Variants in RSRC1 observed in about 807,000 individuals in gnomAD.
The protein encoded by RSRC1 is arginine and serine rich coiled-coil 1.
In RSRC1, 39 loss-of-function variants were observed where a neutral mutation model predicts 49.1. The ratio of observed to expected loss-of-function variants is 0.79; its 90% CI spans 0.61 to 1.04. The LOEUF (loss-of-function observed/expected upper bound fraction) is 1.04, where lower values mean the gene tolerates loss of function less well. Among genes scored for constraint, RSRC1 ranks in the 50% least tolerant of loss-of-function variants. RSRC1 has a pLI of 0.00. For synonymous variants in RSRC1, 143 were observed against 130.8 expected (o/e 1.09, Z -0.63); for missense variants, 388 against 402.4 (o/e 0.96, Z 0.31).
chr3:158,149,432 C>T (rs1036277162), intron 3 of RSRC1, among the ~76,000 whole-genome samples: 6 of 152,078 alleles, frequency 3.9e-5, no homozygotes, highest in Non-Finnish European at 7.3e-5. Context: ...GGTTTGGTCA[C>T]GCGTGACTAG....
At chr3:158,241,151 A>G (rs1283676373) in intron 4 of RSRC1, among the ~76,000 whole-genome samples, 1 of 152,164 alleles carries the variant, frequency 6.6e-6, no homozygotes, top group Non-Finnish European at 1.5e-5. Context: ...TTCTGCCATT[A>G]AAAATGCCAG....
intron 7 of RSRC1, among the ~76,000 whole-genome samples, chr3:158,503,841 C>A (rs1169492048): frequency 6.6e-6 from 1 of 152,142 alleles, no homozygotes. Flanking sequence ...TCTTCCCCCA[C>A]CTGTGGAGTC....
intron 5 of RSRC1, among the ~76,000 whole-genome samples, chr3:158,321,974 T>TACACACACACACACACACAC (rs71144456): frequency 8.1e-5 from 12 of 148,398 alleles, no homozygotes; most frequent in African/African-American, 2.7e-4. Context: ...TTTTAACACC[T>TACACACACACACACACACAC]ACACACACAC....
intron 5 of RSRC1, among the ~76,000 whole-genome samples, chr3:158,326,157 C>T (rs1729122278): frequency 6.6e-6 from 1 of 152,138 alleles, no homozygotes; most frequent in Admixed American, 6.6e-5. Flanking sequence ...TCTAGATATA[C>T]AATCATGTCA....
At chr3:158,343,018 C>G (rs1730342753) in intron 5 of RSRC1, among the ~76,000 whole-genome samples, 2 of 152,144 alleles carry the variant, frequency 1.3e-5, no homozygotes, top group South Asian at 4.1e-4. Context: ...AACAAGTTAC[C>G]TGAGAGGAGT....
chr3:158,353,958 T>TGTG (rs1336127676), intron 5 of RSRC1, among the ~76,000 whole-genome samples: 1 of 151,148 alleles, frequency 6.6e-6, no homozygotes, highest in Non-Finnish European at 1.5e-5. Context: ...AATCTCAGAG[T>TGTG]GTGGTCACTG....
intron 6 of RSRC1, among the ~76,000 whole-genome samples, chr3:158,423,300 G>A (rs529615980): frequency 1.3e-5 from 2 of 152,082 alleles, no homozygotes; most frequent in African/African-American, 2.4e-5. Context: ...CATATGGCTA[G>A]CCAGTTTTCC....
At chr3:158,453,671 C>T (rs570627317) in intron 6 of RSRC1, among the ~76,000 whole-genome samples, 1 of 152,130 alleles carries the variant, frequency 6.6e-6, no homozygotes, top group East Asian at 1.9e-4. Flanking sequence ...ACCTCACCAG[C>T]GTTTTGAATA....
At chr3:158,273,111 G>C (rs1377183549) in intron 4 of RSRC1, among the ~76,000 whole-genome samples, 1 of 151,920 alleles carries the variant, frequency 6.6e-6, no homozygotes, top group African/African-American at 2.4e-5. Flanking sequence ...CTGTCATTAT[G>C]CTTCTATTTA....
intron 3 of RSRC1, among the ~76,000 whole-genome samples, chr3:158,156,900 T>C (rs1717910095): frequency 6.6e-6 from 1 of 152,198 alleles, no homozygotes. Flanking sequence ...AACCAAAATG[T>C]AACACAGAGA....
chr3:158,262,437 G>A (rs985390453), intron 4 of RSRC1, among the ~76,000 whole-genome samples: 4 of 152,144 alleles, frequency 2.6e-5, no homozygotes, highest in African/African-American at 9.6e-5. Flanking sequence ...GTTCACAAAT[G>A]TGTGGGTTCA....
chr3:158,140,227 A>G, intron 3 of RSRC1, among the ~76,000 whole-genome samples: 1 of 152,140 alleles, frequency 6.6e-6, no homozygotes, highest in Non-Finnish European at 1.5e-5. Flanking sequence ...TGAGTCAGTT[A>G]CCTTTCAGCA....
intron 4 of RSRC1, among the ~76,000 whole-genome samples, chr3:158,256,374 G>A (rs140264755): frequency 5.3e-5 from 8 of 152,232 alleles, no homozygotes; most frequent in East Asian, 1.9e-4. Context: ...TATGATTTGC[G>A]TATGTTGAAC....
intron 3 of RSRC1, among the ~76,000 whole-genome samples, chr3:158,196,351 G>A (rs1204958): frequency 0.58 from 87,993 of 151,946 alleles, 25,786 homozygotes; most frequent in East Asian, 0.73. Flanking sequence ...CACTGATTTT[G>A]TATCCTGAGA....
At chr3:158,499,752 A>G (rs1324265747) in intron 7 of RSRC1, among the ~76,000 whole-genome samples, 2 of 152,182 alleles carry the variant, frequency 1.3e-5, no homozygotes, top group Admixed American at 6.5e-5. Flanking sequence ...TATCGGTTCT[A>G]GGAGCTTTCT....
chr3:158,433,608 G>A (rs961171025), intron 6 of RSRC1, among the ~76,000 whole-genome samples: 3 of 151,928 alleles, frequency 2.0e-5, no homozygotes, highest in African/African-American at 4.8e-5. Context: ...ATATTACTTA[G>A]TAGTAGCTAA....
chr3:158,142,352 A>T (rs1334732969), intron 3 of RSRC1, among the ~76,000 whole-genome samples: 3 of 152,196 alleles, frequency 2.0e-5, no homozygotes, highest in African/African-American at 7.2e-5. Flanking sequence ...TTATAAAAAT[A>T]TTAAGTGGGT....
chr3:158,438,133 G>A (rs1056352479), intron 6 of RSRC1, among the ~76,000 whole-genome samples: 2 of 152,092 alleles, frequency 1.3e-5, no homozygotes, highest in African/African-American at 2.4e-5. Flanking sequence ...ACCTCTTCAA[G>A]GAGAACTACA....
intron 5 of RSRC1, among the ~76,000 whole-genome samples, chr3:158,304,405 A>T (rs1279983548): frequency 6.6e-6 from 1 of 152,134 alleles, no homozygotes; most frequent in African/African-American, 2.4e-5. Context: ...ATGGATCATT[A>T]TCATACTTTT....
Sources: allele counts gnomAD v4.1 joint callset (sites outside exome capture counted in the v4.1 genomes callset), GRCh38; gene constraint gnomAD v4.1.1; transcripts MANE v1.5; gene names NCBI Gene and HGNC (gene_info 2026-07-23, HGNC 2026-07-21).